Variants in ERBB4 observed in about 807,000 individuals in gnomAD.
ERBB4 encodes erb-b2 receptor tyrosine kinase 4.
In ERBB4, 42 loss-of-function variants were observed where a neutral mutation model predicts 158.0. That is an observed-to-expected ratio of 0.27 (90% CI 0.21 to 0.34). The LOEUF is 0.34. Among genes scored for constraint, ERBB4 ranks in the 10% least tolerant of loss-of-function variants. The pLI is 1.00. For synonymous variants in ERBB4, 583 were observed against 558.7 expected (o/e 1.04, Z -0.61); for missense variants, 1,333 against 1,624.1 (o/e 0.82, Z 3.08).
intron 19 of ERBB4, among the ~76,000 whole-genome samples, chr2:211,590,883 T>A (rs1483651076): frequency 3.3e-5 from 5 of 152,334 alleles, no homozygotes; most frequent in Admixed American, 2.6e-4. Context: ...AAACTTGCTA[T>A]CTTGTTATGC....
intron 1 of ERBB4, among the ~76,000 whole-genome samples, chr2:212,137,194 A>G (rs1012771010): frequency 3.3e-5 from 5 of 152,128 alleles, no homozygotes; most frequent in African/African-American, 1.2e-4. Context: ...TTTTATTTTA[A>G]GTTCCAGGGC....
Position 211,423,541 on chromosome 2 carries a change from C to T in ERBB4, c.2866+614G>A, listed in dbSNP as rs1468430851. ...GTGCTTCAAAAACACATTTATAATA[C>T]ATATGTGTCTGGGACATAGGAAGAA... On this transcript the variant is annotated intron_variant, in intron 23 of 27. Transcript: ENST00000342788. Among the ~76,000 whole-genome samples the T allele has an allele frequency of 2.0e-5, 3 of 151,994 alleles. No homozygotes were observed. In the South Asian group the frequency reaches 6.2e-4, roughly 32 times the overall value.
intron 1 of ERBB4, among the ~76,000 whole-genome samples, chr2:212,517,927 A>C (rs1691934747): frequency 6.6e-6 from 1 of 152,082 alleles, no homozygotes; most frequent in Non-Finnish European, 1.5e-5. Context: ...AATGCTGTAC[A>C]CTGTATGAAA....
chr2:212,534,230 T>C (rs1027592816), intron 1 of ERBB4, among the ~76,000 whole-genome samples: 1 of 152,232 alleles, frequency 6.6e-6, no homozygotes, highest in African/African-American at 2.4e-5. Flanking sequence ...ATTCAATTTA[T>C]TGTCTAAAAT....
chr2:211,552,809 A>C (rs2067136503), intron 20 of ERBB4, among the ~76,000 whole-genome samples: 3 of 152,212 alleles, frequency 2.0e-5, no homozygotes, highest in Admixed American at 2.0e-4. Flanking sequence ...TTTTGCAGGA[A>C]TAGTAAGTCA....
At chr2:212,340,078 T>C (rs563432299) in intron 1 of ERBB4, among the ~76,000 whole-genome samples, 120 of 151,520 alleles carry the variant, frequency 7.9e-4, no homozygotes, top group African/African-American at 2.9e-3. Context: ...GGTCTCACTC[T>C]GGGCTGAAGT....
At chr2:211,432,605 CA>C (rs60438750) in intron 20 of ERBB4, among the ~76,000 whole-genome samples, 7,748 of 134,962 alleles carry the variant, frequency 0.057, 457 homozygotes, top group African/African-American at 0.15. Context: ...CTTAAAGGAT[CA>C]AAAAAAAAAA....
At chr2:212,096,348 T>C (rs934717869) in intron 2 of ERBB4, among the ~76,000 whole-genome samples, 16 of 151,928 alleles carry the variant, frequency 1.1e-4, no homozygotes, top group Admixed American at 6.6e-5. Flanking sequence ...AGAAAAAAAA[T>C]AGAAAATAAA....
intron 3 of ERBB4, among the ~76,000 whole-genome samples, chr2:211,931,291 GA>G (rs1345271250): frequency 6.6e-6 from 1 of 151,914 alleles, no homozygotes; most frequent in Non-Finnish European, 1.5e-5. Flanking sequence ...ACATAGCTAA[GA>G]ATAAACACAT....
intron 20 of ERBB4, among the ~76,000 whole-genome samples, chr2:211,485,031 G>A (rs1056990188): frequency 4.6e-5 from 7 of 152,108 alleles, no homozygotes; most frequent in Admixed American, 4.6e-4. Flanking sequence ...AAATTCAAGG[G>A]TGGTCAGCAT....
At chr2:211,408,993 G>A (rs564147294) in intron 25 of ERBB4, among the ~76,000 whole-genome samples, 2 of 152,256 alleles carry the variant, frequency 1.3e-5, no homozygotes, top group South Asian at 4.1e-4. Flanking sequence ...GTACTTCGTA[G>A]TCTAGAGTAA....
At chr2:212,019,496 C>T (rs112130251) in intron 2 of ERBB4, among the ~76,000 whole-genome samples, 15,063 of 152,022 alleles carry the variant, frequency 0.099, 1,027 homozygotes, top group Non-Finnish European at 0.15. Context: ...GGCACGGTGG[C>T]TCTCACCTGT....
intron 1 of ERBB4, among the ~76,000 whole-genome samples, chr2:212,374,910 T>C (rs895826810): frequency 1.4e-4 from 14 of 96,764 alleles, no homozygotes; most frequent in Non-Finnish European, 4.1e-5. Flanking sequence ...TTTTTAGAAA[T>C]AAATATGGGG....
chr2:211,909,105 A>G (rs989472787), intron 3 of ERBB4, among the ~76,000 whole-genome samples: 3 of 151,648 alleles, frequency 2.0e-5, no homozygotes, highest in Non-Finnish European at 4.4e-5. Flanking sequence ...TAATGTTCAT[A>G]TATGCTTAGT....
chr2:211,979,952 G>C (rs2081742352), intron 2 of ERBB4, among the ~76,000 whole-genome samples: 1 of 152,100 alleles, frequency 6.6e-6, no homozygotes, highest in Non-Finnish European at 1.5e-5. Context: ...AATCAATTCT[G>C]TTTTGCAATT....
At chr2:211,578,933 A>G (rs1454487701) in intron 19 of ERBB4, among the ~76,000 whole-genome samples, 4 of 152,186 alleles carry the variant, frequency 2.6e-5, no homozygotes, top group Non-Finnish European at 5.9e-5. Flanking sequence ...ATTGCAACAA[A>G]AGCAAAGATT....
chr2:212,523,721 TG>T (rs1222015653), intron 1 of ERBB4, among the ~76,000 whole-genome samples: 3 of 151,984 alleles, frequency 2.0e-5, no homozygotes, highest in African/African-American at 7.2e-5. Flanking sequence ...TTGGGCACAG[TG>T]TGCTTACGAC....
chr2:212,228,931 G>T (rs1294554146), intron 1 of ERBB4, among the ~76,000 whole-genome samples: 1 of 152,166 alleles, frequency 6.6e-6, no homozygotes, highest in South Asian at 2.1e-4. Flanking sequence ...TGTGAAGTAT[G>T]CTGGCAAGTT....
chr2:212,081,592 A>G (rs1438441841), intron 2 of ERBB4, among the ~76,000 whole-genome samples: 1 of 152,158 alleles, frequency 6.6e-6, no homozygotes, highest in Non-Finnish European at 1.5e-5. Flanking sequence ...AAATACATTT[A>G]CTGATTAAAA....
Sources: gnomAD v4.1 joint callset for allele counts (sites outside exome capture counted in the v4.1 genomes callset) on GRCh38, gnomAD v4.1.1 for gene constraint, MANE v1.5 for transcripts, NCBI Gene and HGNC (gene_info 2026-07-23, HGNC 2026-07-21) for gene names.